The following SLC1A1 variants were observed in gnomAD, a reference collection of about 807,000 sequenced individuals.
SLC1A1 encodes the protein solute carrier family 1 member 1.
A neutral mutation model predicts 53.3 loss-of-function variants in SLC1A1; 43 were observed. The ratio of observed to expected loss-of-function variants is 0.81; its 90% confidence interval spans 0.63 to 1.04. The LOEUF is 1.04. Among genes scored for constraint, SLC1A1 ranks in the 50% least tolerant of loss-of-function variants. The pLI, the probability that SLC1A1 is intolerant of heterozygous loss-of-function variation, is 0.00. For missense variants in SLC1A1, 748 were observed against 664.9 expected, an observed-to-expected ratio of 1.12 and a Z score of -1.37; for synonymous variants, 307 against 243.2, an observed-to-expected ratio of 1.26 and a Z score of -2.44.
In SLC1A1 at chr9:4,541,118, T is replaced by A. The variant is rs1244684852; in HGVS notation, c.92-3449T>A. Among the ~76,000 whole-genome samples, 5 of 152,338 alleles carry A rather than the reference T, an allele frequency of 3.3e-5. No individual in the cohort carries two copies. In the East Asian group the frequency reaches 9.6e-4, roughly 29 times the overall value. On this transcript the variant is annotated intron_variant, in intron 1 of 11. Coordinates refer to ENST00000262352, the MANE Select transcript of SLC1A1 (RefSeq NM_004170.6). The stretch of plus-strand genomic sequence containing the variant: ...GGGGGTCCAGGTACTTAGTTTACTT[T>A]TGAGAATTCCTTGTTGGCTCTGCTG...
At chr9:4,527,062 G>T (rs1209293718) in intron 1 of SLC1A1, among the ~76,000 whole-genome samples, 1 of 152,186 alleles carries the variant, frequency 6.6e-6, no homozygotes, top group Non-Finnish European at 1.5e-5. Flanking sequence ...CCATCCTGCT[G>T]ACTCTGAAGA....
intron 5 of SLC1A1, among the ~76,000 whole-genome samples, chr9:4,566,511 C>A (rs1252038744): frequency 9.9e-5 from 15 of 152,114 alleles, no homozygotes; most frequent in Non-Finnish European, 2.2e-4. Context: ...CAGGATCTAA[C>A]CCTCATGGTG....
At chr9:4,569,390 T>C (rs973129565) in intron 6 of SLC1A1, among the ~76,000 whole-genome samples, 7 of 152,216 alleles carry the variant, frequency 4.6e-5, no homozygotes, top group African/African-American at 1.4e-4. Flanking sequence ...AATGGACCCT[T>C]AGTAGCCAGT....
chr9:4,529,331 C>T (rs1157438790), intron 1 of SLC1A1, among the ~76,000 whole-genome samples: 2 of 152,178 alleles, frequency 1.3e-5, no homozygotes, highest in Non-Finnish European at 2.9e-5. Context: ...CACTGAATTG[C>T]TTGAAGCTGT....
rs1000484733 is a variant in SLC1A1, at chr9:4,583,324, C to G, written c.1328+152C>G. On this transcript the variant is annotated intron_variant, in intron 11 of 11. Transcript: ENST00000262352. This position sits in a 1 kb window ranked among gnomAD's most constrained non-coding sequence, Gnocchi z 4.6. ...TTCCTCTGACCAGGCCATCTGATAA[C>G]ATGCCTAAAAATTAACTCCTCATAA... is the stretch of plus-strand genomic sequence containing the variant. The G allele has an allele frequency of 6.1e-6, 6 of 985,574 alleles. No individual in the cohort carries two copies. The highest frequency in any genetic ancestry group is 1.6e-5 in the African/African-American group (1 of 62,920). The allele number at this position is 985,574 out of a possible 1,614,324, so 61.1% of individuals were successfully genotyped here.
intron 1 of SLC1A1, among the ~76,000 whole-genome samples, chr9:4,529,960 T>C (rs998688906): frequency 6.6e-6 from 1 of 152,118 alleles, no homozygotes. Flanking sequence ...TAAATTTGAG[T>C]TGGACAATGA....
At chr9:4,560,207 T>C (rs1353288285) in intron 2 of SLC1A1, 1 of 152,210 alleles carries the variant, frequency 6.6e-6, no homozygotes, top group Non-Finnish European at 1.5e-5. Context: ...CAGAAGCAAT[T>C]TGAAAATCAT....
chr9:4,557,388 G>A (rs12379913), intron 2 of SLC1A1, among the ~76,000 whole-genome samples: 33,061 of 152,070 alleles, frequency 0.22, 4,133 homozygotes, highest in East Asian at 0.46. Flanking sequence ...TTGTTCATTC[G>A]ACATTGTCGA....
chr9:4,560,554 T>C (rs1350095977), intron 2 of SLC1A1, among the ~76,000 whole-genome samples: 1 of 152,230 alleles, frequency 6.6e-6, no homozygotes, highest in Non-Finnish European at 1.5e-5. Flanking sequence ...TCTTTACCTT[T>C]TCTCCTTTTT....
At chr9:4,552,641 C>A (rs969871980) in intron 2 of SLC1A1, among the ~76,000 whole-genome samples, 1 of 152,016 alleles carries the variant, frequency 6.6e-6, no homozygotes, top group South Asian at 2.1e-4. Flanking sequence ...AAGTATCCAT[C>A]CTAGAGGGGC....
chr9:4,570,457 C>T (rs769352498), intron 6 of SLC1A1, among the ~76,000 whole-genome samples: 18 of 127,996 alleles, frequency 1.4e-4, no homozygotes, highest in Non-Finnish European at 2.1e-4. Context: ...CTGCAGCCTC[C>T]GCCTCCTGGG....
rs562775021 is a variant in SLC1A1 at position 4,586,788 on chromosome 9, C to G, written c.*1230C>G. 3 of 152,308 alleles carry G rather than the reference C, an allele frequency of 2.0e-5. No homozygotes were observed. Among genetic ancestry groups the G allele is most frequent in the Admixed American group, 1.3e-4 (2 of 15,302 alleles). The allele number at this position is 152,308 out of a possible 1,614,324, so 9.4% of individuals were successfully genotyped here. A position where few individuals can be genotyped will look rare whatever the true frequency, so the allele number is the denominator to read the frequency against. ...ACCTGGGTTGTTGCAGAGTAAATCC[C>G]ACGACATAAGCTGGTATCAGTGGTT... On this transcript the variant is annotated 3_prime_UTR_variant, in exon 12 of 12. Coordinates refer to ENST00000262352, the MANE Select transcript of SLC1A1 (RefSeq NM_004170.6).
intron 1 of SLC1A1, among the ~76,000 whole-genome samples, chr9:4,503,610 T>C (rs949795869): frequency 6.6e-6 from 1 of 151,794 alleles, no homozygotes. Context: ...AACGAGCAAG[T>C]CTGTATAAAG....
rs1239966804 is a variant in SLC1A1 at position 4,586,355 on chromosome 9, G to A, written c.*797G>A. On this transcript the variant is annotated 3_prime_UTR_variant, in exon 12 of 12. Coordinates refer to ENST00000262352, the MANE Select transcript of SLC1A1 (RefSeq NM_004170.6). ...GATTCCAACCCAGGTCTGCTTTGGGGCTTATCAGAACTCCTTTCTAAGGAG... is the reference window on the plus strand; with the variant it reads ...GATTCCAACCCAGGTCTGCTTTGGGACTTATCAGAACTCCTTTCTAAGGAG... The A allele has an allele frequency of 2.6e-5, 4 of 152,044 alleles. No homozygotes were observed. Among genetic ancestry groups the A allele is most frequent in the African/African-American group, 9.7e-5 (4 of 41,368 alleles). The allele number at this position is 152,044 out of a possible 1,614,324, so 9.4% of individuals were successfully genotyped here.
At chr9:4,503,743 A>G (rs984500048) in intron 1 of SLC1A1, among the ~76,000 whole-genome samples, 1 of 151,930 alleles carries the variant, frequency 6.6e-6, no homozygotes, top group African/African-American at 2.4e-5. Flanking sequence ...TCCTAAGGAC[A>G]AGAATGCAAT....
chr9:4,532,127 G>T (rs1477365000), intron 1 of SLC1A1, among the ~76,000 whole-genome samples: 3 of 152,108 alleles, frequency 2.0e-5, no homozygotes, highest in Non-Finnish European at 4.4e-5. Context: ...AGAAAAACTG[G>T]AAACTCTAAA....
chr9:4,544,995 G>C (rs1185893811), intron 2 of SLC1A1, among the ~76,000 whole-genome samples: 1 of 152,110 alleles, frequency 6.6e-6, no homozygotes, highest in Non-Finnish European at 1.5e-5. Flanking sequence ...AACAGCATGG[G>C]AGAAACTGCC....
Position 4,583,736 on chromosome 9 carries a change from C to T in SLC1A1, c.1328+564C>T, listed in dbSNP as rs1821314732. ...TGGGTTGTTTTAAGGACTGAGTGAG[C>T]TCATGTGAGTGGAGCATCTAGAACA... On this transcript the variant is annotated intron_variant, in intron 11 of 11. Coordinates refer to ENST00000262352, the MANE Select transcript of SLC1A1 (RefSeq NM_004170.6). This position sits in a 1 kb window ranked among gnomAD's most constrained non-coding sequence, Gnocchi z 4.6. Among the ~76,000 whole-genome samples the T allele has an allele frequency of 6.6e-6, 1 of 152,130 alleles. No homozygotes were observed. The highest frequency in any genetic ancestry group is 2.1e-4 in the South Asian group (1 of 4,828).
In SLC1A1 at chr9:4,544,568, C is replaced by T. The variant is rs755725621; in HGVS notation, c.93C>T (p.Gly31=). The change falls in exon 2 of 12, where the codon GGC becomes GGT. Residue 31 remains glycine, a splice_region_variant and synonymous_variant. Coordinates refer to ENST00000262352, the MANE Select transcript of SLC1A1 (RefSeq NM_004170.6). ...LLSTVAAVVL[G]ITTGVLVREH... ...CTTTCCAACTCTTGTTTTCCTTAGG[C>T]ATTACCACAGGAGTCTTGGTTCGAG... The T allele has an allele frequency of 1.2e-5, 19 of 1,613,114 alleles. No homozygotes were observed. Among genetic ancestry groups the T allele is most frequent in the South Asian group, 7.7e-5 (7 of 91,052 alleles).
Sources: gnomAD v4.1 joint callset for allele counts (sites outside exome capture counted in the v4.1 genomes callset) on GRCh38, gnomAD v4.1.1 for gene constraint, Gnocchi (gnomAD v3.1) non-coding constraint, MANE v1.5 for transcripts, NCBI Gene and HGNC (gene_info 2026-07-23, HGNC 2026-07-21) for gene names.